Variants in XKR6 observed in about 807,000 individuals in gnomAD.
XKR6 encodes the protein XK related 6, also known as XK-related protein 6.
In XKR6, 22 loss-of-function variants were observed where a neutral mutation model predicts 56.7. The ratio of observed to expected loss-of-function variants is 0.39; its 90% CI spans 0.28 to 0.55. XKR6 has a LOEUF of 0.55. Among genes scored for constraint, XKR6 ranks in the 20% least tolerant of loss-of-function variants. XKR6 has a pLI of 0.66. For missense variants in XKR6, 852 were observed against 889.0 expected, an observed-to-expected ratio of 0.96 and a Z score of 0.53; for synonymous variants, 524 against 387.8, an observed-to-expected ratio of 1.35 and a Z score of -4.13.
chr8:11,100,552 G>A (rs1798432010), intron 1 of XKR6, among the ~76,000 whole-genome samples: 1 of 152,182 alleles, frequency 6.6e-6, no homozygotes, highest in Non-Finnish European at 1.5e-5. Context: ...CCACCACTGA[G>A]CAACTGTAAG....
chr8:11,054,171 G>C (rs2129161083), intron 1 of XKR6, among the ~76,000 whole-genome samples: 1 of 152,330 alleles, frequency 6.6e-6, no homozygotes, highest in Middle Eastern at 3.4e-3. Flanking sequence ...GAAGTCAGAG[G>C]TTTGAGAGAA....
chr8:11,077,120 T>C (rs1440357646), intron 1 of XKR6, among the ~76,000 whole-genome samples: 1 of 152,090 alleles, frequency 6.6e-6, no homozygotes, highest in East Asian at 1.9e-4. Context: ...GAGGCTACAG[T>C]GAGCCATGAT....
chr8:10,950,593 C>T (rs947768172), intron 1 of XKR6, among the ~76,000 whole-genome samples: 5 of 152,158 alleles, frequency 3.3e-5, no homozygotes, highest in African/African-American at 1.2e-4. Context: ...GGGATGTGTC[C>T]CCACAACAGT....
chr8:11,062,867 G>A, intron 1 of XKR6: 1 of 456,198 alleles, frequency 2.2e-6, no homozygotes, highest in Non-Finnish European at 4.4e-6. Flanking sequence ...GAGGTGAGTG[G>A]AAGTGGGTGT....
intron 1 of XKR6, among the ~76,000 whole-genome samples, chr8:11,110,371 T>TG (rs1044903936): frequency 1.3e-5 from 2 of 152,232 alleles, no homozygotes; most frequent in African/African-American, 2.4e-5. Flanking sequence ...CCAGGGGTAT[T>TG]GGGGTAGACT....
chr8:11,006,941 C>A (rs1306112293), intron 1 of XKR6, among the ~76,000 whole-genome samples: 12 of 152,208 alleles, frequency 7.9e-5, no homozygotes, highest in Admixed American at 3.9e-4. Context: ...TGGTCCAAGT[C>A]AAGCAGTTCA....
intron 1 of XKR6, among the ~76,000 whole-genome samples, chr8:10,978,173 G>T (rs1215230557): frequency 6.6e-6 from 1 of 152,064 alleles, no homozygotes; most frequent in African/African-American, 2.4e-5. Context: ...CACCACCTAA[G>T]CCCTAACTCG....
chr8:10,913,748 A>T (rs1299942752), intron 2 of XKR6, among the ~76,000 whole-genome samples: 2 of 152,176 alleles, frequency 1.3e-5, no homozygotes, highest in African/African-American at 4.8e-5. Context: ...TGTTCAAGGG[A>T]GGCACCTTTT....
chr8:11,190,424 A>G (rs764233103), intron 1 of XKR6, among the ~76,000 whole-genome samples: 3 of 152,158 alleles, frequency 2.0e-5, no homozygotes, highest in Middle Eastern at 3.2e-3. Flanking sequence ...CCAAACCTAC[A>G]TATTCCTTTG....
chr8:11,139,153 C>T (rs185562437), intron 1 of XKR6, among the ~76,000 whole-genome samples: 12 of 152,290 alleles, frequency 7.9e-5, no homozygotes, highest in Admixed American at 6.5e-4. Flanking sequence ...CTCTTGGCCT[C>T]CACAACAAGG....
At chr8:10,908,307 C>T (rs1432248831) in intron 2 of XKR6, among the ~76,000 whole-genome samples, 1 of 152,144 alleles carries the variant, frequency 6.6e-6, no homozygotes. Context: ...CCTGTCCTCA[C>T]TGATGTGCTA....
intron 1 of XKR6, among the ~76,000 whole-genome samples, chr8:11,091,588 T>C (rs1163921776): frequency 6.6e-6 from 1 of 151,984 alleles, no homozygotes; most frequent in African/African-American, 2.4e-5. Flanking sequence ...AATGGTACCA[T>C]TAAAGATGCA....
At chr8:10,995,019 A>G (rs1798078109) in intron 1 of XKR6, among the ~76,000 whole-genome samples, 1 of 152,196 alleles carries the variant, frequency 6.6e-6, no homozygotes, top group Non-Finnish European at 1.5e-5. Flanking sequence ...TCACCCGTCT[A>G]TGGTGGGGCC....
intron 1 of XKR6, among the ~76,000 whole-genome samples, chr8:11,071,130 C>G (rs900269329): frequency 2.6e-5 from 4 of 152,202 alleles, no homozygotes; most frequent in African/African-American, 4.8e-5. Context: ...ATTCTCAAAG[C>G]TGGACCCTGG....
At chr8:10,921,709 C>G (rs1322094228) in intron 2 of XKR6, among the ~76,000 whole-genome samples, 1 of 152,176 alleles carries the variant, frequency 6.6e-6, no homozygotes, top group Non-Finnish European at 1.5e-5. Context: ...ACCCTGCTAC[C>G]TGCCCTATCT....
At chr8:11,041,253 A>C (rs976911727) in intron 1 of XKR6, among the ~76,000 whole-genome samples, 3 of 152,136 alleles carry the variant, frequency 2.0e-5, no homozygotes, top group African/African-American at 4.8e-5. Flanking sequence ...AGAACAAAAC[A>C]TTGTGCAAAG....
chr8:11,192,834 AC>A (rs1803655480), intron 1 of XKR6, among the ~76,000 whole-genome samples: 1 of 152,124 alleles, frequency 6.6e-6, no homozygotes, highest in Admixed American at 6.5e-5. Context: ...TCTCTGCCAC[AC>A]TTGAAGAAAC....
chr8:11,073,946 G>A (rs569230541), intron 1 of XKR6, among the ~76,000 whole-genome samples: 1 of 152,292 alleles, frequency 6.6e-6, no homozygotes, highest in African/African-American at 2.4e-5. Context: ...GCCAGGAAAT[G>A]AGCCAGACAC....
intron 1 of XKR6, among the ~76,000 whole-genome samples, chr8:10,995,485 C>A (rs1348257372): frequency 4.2e-5 from 6 of 143,852 alleles, no homozygotes; most frequent in Non-Finnish European, 7.5e-5. Flanking sequence ...AACCCTATAT[C>A]ATATATATAT....
Sources: gnomAD v4.1 joint callset for allele counts (sites outside exome capture counted in the v4.1 genomes callset) on GRCh38, gnomAD v4.1.1 for gene constraint, MANE v1.5 for transcripts, NCBI Gene and HGNC (gene_info 2026-07-23, HGNC 2026-07-21) for gene names.